The following SPATA17 variants were observed in gnomAD, a reference collection of about 807,000 sequenced individuals.
SPATA17 encodes spermatogenesis associated 17.
A neutral mutation model predicts 62.2 loss-of-function variants in SPATA17; 53 were observed. That is an observed-to-expected ratio of 0.85 (90% CI 0.68 to 1.07). The LOEUF (loss-of-function observed/expected upper bound fraction) is 1.07, where lower values mean the gene tolerates loss of function less well. Ranked by LOEUF, SPATA17 falls within the 50% of genes least tolerant of loss-of-function variation. The pLI, the probability that SPATA17 is intolerant of heterozygous loss-of-function variation, is 0.00. For synonymous variants in SPATA17, 146 were observed against 146.8 expected (o/e 0.99, Z 0.04); for missense variants, 466 against 425.5 (o/e 1.10, Z -0.84).
At chr1:217,690,531 C>T (rs1232525424) in intron 5 of SPATA17, among the ~76,000 whole-genome samples, 12 of 134,910 alleles carry the variant, frequency 8.9e-5, no homozygotes, top group Non-Finnish European at 1.4e-4. Context: ...GGTACATGTG[C>T]ACATTGTGCA....
In SPATA17 at chr1:217,778,521, A is replaced by C. The variant is rs73097240; in HGVS notation, c.724-3653A>C. Among the ~76,000 whole-genome samples the C allele has an allele frequency of 3.5e-3, 537 of 152,304 alleles. 3 individuals are homozygous for C. Among genetic ancestry groups the C allele is most frequent in the African/African-American group, 0.011 (472 of 41,578 alleles). ...GGGTGAGAGAGCAAGACTCCATCCC[A>C]AAAAATAATAATAATAATAAACCAC... On this transcript the variant is annotated intron_variant, in intron 7 of 10. Coordinates refer to ENST00000366933, the MANE Select transcript of SPATA17 (RefSeq NM_138796.4).
chr1:217,833,997 C>G (rs2103003322), intron 9 of SPATA17, among the ~76,000 whole-genome samples: 1 of 152,232 alleles, frequency 6.6e-6, no homozygotes, highest in East Asian at 1.9e-4. Context: ...CTTGCTTTAT[C>G]AGAGAGCAGA....
At chr1:217,741,112 C>T (rs1672616707) in intron 5 of SPATA17, among the ~76,000 whole-genome samples, 1 of 152,132 alleles carries the variant, frequency 6.6e-6, no homozygotes, top group East Asian at 1.9e-4. Context: ...TAAAACTTTA[C>T]TTACAGAACT....
intron 9 of SPATA17, among the ~76,000 whole-genome samples, chr1:217,804,283 T>C (rs1232421229): frequency 6.6e-6 from 1 of 151,988 alleles, no homozygotes; most frequent in East Asian, 1.9e-4. Context: ...TTGACAAAGG[T>C]CCCAAATACA....
intron 9 of SPATA17, among the ~76,000 whole-genome samples, chr1:217,832,974 A>C (rs1341747378): frequency 1.3e-5 from 2 of 151,998 alleles, no homozygotes; most frequent in Non-Finnish European, 2.9e-5. Context: ...ACTTTCAAAA[A>C]AGCTTCTTTC....
At chr1:217,841,902 A>G (rs1675414785) in intron 9 of SPATA17, among the ~76,000 whole-genome samples, 1 of 151,198 alleles carries the variant, frequency 6.6e-6, no homozygotes, top group South Asian at 2.1e-4. Flanking sequence ...TAAACTCACA[A>G]AAGTTTTATT....
At chr1:217,727,753 G>A (rs1172011861) in intron 5 of SPATA17, among the ~76,000 whole-genome samples, 1 of 152,110 alleles carries the variant, frequency 6.6e-6, no homozygotes, top group African/African-American at 2.4e-5. Flanking sequence ...TAGTCTCAAA[G>A]TCTGGGTAAT....
At chr1:217,707,728 C>T (rs1306236932) in intron 5 of SPATA17, among the ~76,000 whole-genome samples, 1 of 152,120 alleles carries the variant, frequency 6.6e-6, no homozygotes, top group Non-Finnish European at 1.5e-5. Flanking sequence ...ACAGTACTTT[C>T]CACCCCAAAA....
At chr1:217,647,026 G>A (rs1188343179) in intron 1 of SPATA17, among the ~76,000 whole-genome samples, 1 of 152,112 alleles carries the variant, frequency 6.6e-6, no homozygotes, top group Admixed American at 6.6e-5. Context: ...TCTCCACAGT[G>A]GTATCTTCTT....
intron 9 of SPATA17, among the ~76,000 whole-genome samples, chr1:217,811,735 A>T (rs1424022786): frequency 6.6e-6 from 1 of 151,968 alleles, no homozygotes; most frequent in Non-Finnish European, 1.5e-5. Context: ...GGTGGCTAGC[A>T]TAATCTGTAC....
At chr1:217,680,435 A>T (rs1209994222) in intron 4 of SPATA17, among the ~76,000 whole-genome samples, 2 of 152,176 alleles carry the variant, frequency 1.3e-5, no homozygotes, top group East Asian at 3.8e-4. Flanking sequence ...AAGTGGTTCT[A>T]TCAATTCCTT....
intron 6 of SPATA17, among the ~76,000 whole-genome samples, chr1:217,750,554 C>T (rs188595737): frequency 3.9e-5 from 6 of 152,286 alleles, no homozygotes; most frequent in Admixed American, 2.0e-4. Context: ...ATTCTTAATT[C>T]GTACATTCCC....
chr1:217,813,834 G>A (rs145117449), intron 9 of SPATA17, among the ~76,000 whole-genome samples: 8 of 152,034 alleles, frequency 5.3e-5, no homozygotes, highest in Admixed American at 4.6e-4. Flanking sequence ...ATATGTATAT[G>A]TATACTCTAG....
chr1:217,794,966 A>C (rs1379863468), intron 8 of SPATA17, among the ~76,000 whole-genome samples: 1 of 152,194 alleles, frequency 6.6e-6, no homozygotes, highest in Non-Finnish European at 1.5e-5. Context: ...CAAGCCAAAA[A>C]ATGAAGTCAA....
At chr1:217,790,908 ATAGTGAAAAGAAAATT>A (rs1170923861) in intron 8 of SPATA17, among the ~76,000 whole-genome samples, 2 of 152,228 alleles carry the variant, frequency 1.3e-5, no homozygotes, top group Non-Finnish European at 2.9e-5. Context: ...TCATTAAAGA[ATAGTGAAAAGAAAATT>A]TAACATATCT....
chr1:217,744,909 G>A (rs72728820), intron 6 of SPATA17, among the ~76,000 whole-genome samples: 69,759 of 152,032 alleles, frequency 0.46, 17,514 homozygotes, highest in Non-Finnish European at 0.58. Flanking sequence ...TGTATTTAAA[G>A]CAGTGCCAGA....
At chr1:217,645,426 A>G (rs1336150256) in intron 1 of SPATA17, among the ~76,000 whole-genome samples, 1 of 152,132 alleles carries the variant, frequency 6.6e-6, no homozygotes, top group South Asian at 2.1e-4. Flanking sequence ...AGATGTGTCT[A>G]TGTGCCTTAC....
At chr1:217,725,381 TTA>T (rs1672236514) in intron 5 of SPATA17, among the ~76,000 whole-genome samples, 1 of 152,224 alleles carries the variant, frequency 6.6e-6, no homozygotes. Context: ...ATATTGTGGC[TTA>T]TTTTTAAAAT....
At chr1:217,631,578 T>G (rs1230870191) in intron 1 of SPATA17, 132 bp downstream of exon 1, 2 of 864,972 alleles carry the variant, frequency 2.3e-6, no homozygotes. Flanking sequence ...CTTCCCTTAA[T>G]GGGCTGCAAA....
Sources: gnomAD v4.1 joint callset for allele counts (sites outside exome capture counted in the v4.1 genomes callset) on GRCh38, gnomAD v4.1.1 for gene constraint, MANE v1.5 for transcripts, NCBI Gene and HGNC (gene_info 2026-07-23, HGNC 2026-07-21) for gene names.